The following ARHGAP25 variants were observed in gnomAD, a reference collection of about 807,000 sequenced individuals.
ARHGAP25 encodes the protein rho GTPase-activating protein 25.
A neutral mutation model predicts 71.0 loss-of-function variants in ARHGAP25; 34 were observed. The observed-to-expected ratio is 0.48, with a 90% CI of 0.36 to 0.64. The LOEUF is 0.64. Ranked by LOEUF, ARHGAP25 falls within the 30% of genes least tolerant of loss-of-function variation. The probability of loss-of-function intolerance (pLI) is 0.00; values close to 1 mark genes in which losing one functional copy is unlikely to be tolerated. For synonymous variants in ARHGAP25, 282 were observed against 296.5 expected (o/e 0.95, Z 0.50); for missense variants, 706 against 805.1 (o/e 0.88, Z 1.49).
chr2:68,749,053 C>G (rs1178940374), intron 1 of ARHGAP25, among the ~76,000 whole-genome samples: 1 of 151,706 alleles, frequency 6.6e-6, no homozygotes, highest in African/African-American at 2.4e-5. Flanking sequence ...GAAAGAAAGA[C>G]AGAGAAGCTT....
chr2:68,773,879 G>A (rs9309423), intron 1 of ARHGAP25, among the ~76,000 whole-genome samples: 103,619 of 151,834 alleles, frequency 0.68, 35,592 homozygotes, highest in Middle Eastern at 0.72. Context: ...AGTGGTTTGC[G>A]TATGTTTGTT....
chr2:68,752,295 G>A (rs999387032), intron 1 of ARHGAP25, among the ~76,000 whole-genome samples: 1 of 151,434 alleles, frequency 6.6e-6, no homozygotes, highest in South Asian at 2.1e-4. Context: ...TTATAGAAGT[G>A]TAAAAAATGA....
intron 1 of ARHGAP25, among the ~76,000 whole-genome samples, chr2:68,771,279 C>T (rs1207644587): frequency 6.6e-6 from 1 of 152,146 alleles, no homozygotes; most frequent in African/African-American, 2.4e-5. Context: ...CACCTTTCCC[C>T]GCCCTGGTCT....
At chr2:68,737,067 A>T (rs898844856) in intron 1 of ARHGAP25, among the ~76,000 whole-genome samples, 2 of 152,182 alleles carry the variant, frequency 1.3e-5, no homozygotes, top group Non-Finnish European at 2.9e-5. Context: ...AATAATAATA[A>T]GGACATAATG....
intron 4 of ARHGAP25, among the ~76,000 whole-genome samples, chr2:68,788,759 C>T (rs1300098524): frequency 1.3e-5 from 2 of 152,156 alleles, no homozygotes; most frequent in Non-Finnish European, 2.9e-5. Context: ...TGTGTCAACT[C>T]CAGATAACCT....
At chr2:68,819,658 T>A in intron 9 of ARHGAP25, 1 of 547,462 alleles carries the variant, frequency 1.8e-6, no homozygotes, top group South Asian at 2.7e-5. Context: ...AATGTTTTGG[T>A]CAGAATTGTT....
intron 1 of ARHGAP25, among the ~76,000 whole-genome samples, chr2:68,746,922 C>T (rs1013017005): frequency 1.0e-4 from 15 of 149,544 alleles, no homozygotes; most frequent in African/African-American, 3.4e-4. Flanking sequence ...GCAGGAGAAT[C>T]GCTTGAACCC....
chr2:68,800,457 AGGC>A (rs1679884349), intron 4 of ARHGAP25, among the ~76,000 whole-genome samples: 1 of 152,046 alleles, frequency 6.6e-6, no homozygotes, highest in African/African-American at 2.4e-5. Context: ...TGTGGTAGTG[AGGC>A]CTCACCCTTC....
intron 2 of ARHGAP25, among the ~76,000 whole-genome samples, chr2:68,776,193 G>A (rs1052779281): frequency 7.2e-5 from 11 of 152,192 alleles, no homozygotes; most frequent in Non-Finnish European, 1.5e-4. Context: ...TGTGGTGGGA[G>A]CAGAACTAGC....
At chr2:68,775,030 G>A in intron 1 of ARHGAP25, 191 bp from the exon 2 acceptor site, 3 of 1,504,326 alleles carry the variant, frequency 2.0e-6, no homozygotes, top group East Asian at 2.3e-5. Context: ...CCCTGACCGG[G>A]AGCTGGCCCC....
At chr2:68,787,139 C>T (rs965597600) in intron 3 of ARHGAP25, among the ~76,000 whole-genome samples, 2 of 152,196 alleles carry the variant, frequency 1.3e-5, no homozygotes, top group African/African-American at 4.8e-5. Context: ...TCGTCTCCTT[C>T]TCCCTGCTTT....
At chr2:68,813,453 A>G in intron 6 of ARHGAP25, 34 bp downstream of exon 6, 2 of 1,599,052 alleles carry the variant, frequency 1.3e-6, no homozygotes, top group Non-Finnish European at 1.7e-6. Flanking sequence ...CCTGCCTTAG[A>G]AGAAAGTGAT....
chr2:68,825,955 A>G, intron 10 of ARHGAP25, 32 bp from the exon 11 acceptor site: 3 of 1,573,034 alleles, frequency 1.9e-6, no homozygotes, highest in Non-Finnish European at 2.6e-6. Context: ...TGAATGCCAC[A>G]TTCTTTCATT....
rs773199020 is a variant in ARHGAP25, at chr2:68,767,362, G to T, written c.62-7859G>T. On this transcript the variant is annotated intron_variant, in intron 1 of 10. Transcript: ENST00000409202. This position sits in a 1 kb window ranked among gnomAD's most constrained non-coding sequence, Gnocchi z 4.6. ...AATTTCCTTCTGGGTGGAAACTGAGGGCCATCATCCCGCAGTCTGATAACA... is the reference window on the plus strand; with the variant it reads ...AATTTCCTTCTGGGTGGAAACTGAGTGCCATCATCCCGCAGTCTGATAACA... Among the ~76,000 whole-genome samples, 22 of 151,928 alleles carry T rather than the reference G, an allele frequency of 1.4e-4. No individual in the cohort carries two copies. Among genetic ancestry groups the T allele is most frequent in the Non-Finnish European group, 2.5e-4 (17 of 67,990 alleles).
intron 10 of ARHGAP25, among the ~76,000 whole-genome samples, chr2:68,825,412 A>G (rs1682041409): frequency 6.6e-6 from 1 of 152,142 alleles, no homozygotes; most frequent in Admixed American, 6.5e-5. Context: ...CCGGTTGAAG[A>G]TACAAAACAT....
chr2:68,756,614 G>T (rs1285845044), intron 1 of ARHGAP25, among the ~76,000 whole-genome samples: 3 of 152,226 alleles, frequency 2.0e-5, no homozygotes, highest in Non-Finnish European at 4.4e-5. Context: ...ACTCTTAAGT[G>T]TGCAGTTCAG....
chr2:68,822,804 G>C lies in ARHGAP25; in HGVS notation c.1665G>C (p.Gln555His), dbSNP rs759366453. 27 of 1,614,208 alleles carry C rather than the reference G, an allele frequency of 1.7e-5. No homozygotes were observed. The African/African-American group carries it at 2.7e-4, about 16-fold the overall frequency. Reference sequence around the variant, plus strand: ...GAGAAGAGGAAATTGATTCTTTGCAGAGGATGGTCCAAGAGCTACGAAAGG... The same window carrying C: ...GAGAAGAGGAAATTGATTCTTTGCACAGGATGGTCCAAGAGCTACGAAAGG... ...NSGEEEIDSL[Q>H]RMVQELRKEI... Residue 555 changes from glutamine (Q) to histidine (H), a missense_variant, in exon 10 of 11, where the codon CAG becomes CAC. By Grantham distance (24) the Gln-to-His change is conservative. Transcript: ENST00000409202.
intron 8 of ARHGAP25, 115 bp downstream of exon 8, chr2:68,818,109 C>A: frequency 7.2e-7 from 1 of 1,390,370 alleles, no homozygotes; most frequent in Non-Finnish European, 1.0e-6. Flanking sequence ...GGTTATCAAT[C>A]TCATCTGAAT....
At chr2:68,757,039 G>C (rs947553799) in intron 1 of ARHGAP25, among the ~76,000 whole-genome samples, 2 of 152,080 alleles carry the variant, frequency 1.3e-5, no homozygotes, top group African/African-American at 4.8e-5. Flanking sequence ...AATTTTAAAA[G>C]AGGGATTCAA....
Sources: gnomAD v4.1 joint callset for allele counts (sites outside exome capture counted in the v4.1 genomes callset) on GRCh38, gnomAD v4.1.1 for gene constraint, Gnocchi (gnomAD v3.1) non-coding constraint, MANE v1.5 for transcripts, NCBI Gene and HGNC (gene_info 2026-07-23, HGNC 2026-07-21) for gene names.